Variants in KIRREL3 observed in about 807,000 individuals in gnomAD.
KIRREL3 encodes the protein kirre like nephrin family adhesion molecule 3.
KIRREL3 carries 36 observed loss-of-function variants against 89.7 expected under a neutral mutation model. The ratio of observed to expected loss-of-function variants is 0.40; its 90% CI spans 0.31 to 0.53. The LOEUF (loss-of-function observed/expected upper bound fraction) is 0.53, where lower values mean the gene tolerates loss of function less well. Among genes scored for constraint, KIRREL3 ranks in the 20% least tolerant of loss-of-function variants. The pLI is 0.49. For missense variants in KIRREL3, 864 were observed against 1,056.6 expected, an observed-to-expected ratio of 0.82 and a Z score of 2.53; for synonymous variants, 445 against 441.4, an observed-to-expected ratio of 1.01 and a Z score of -0.10.
In KIRREL3 at chr11:126,601,500, T is replaced by C. The variant is rs1386674221; in HGVS notation, c.56-38588A>G. 1.3e-5 allele frequency among the ~76,000 whole-genome samples: 2 copies of C among 152,262 alleles called. No homozygotes were observed. Among genetic ancestry groups the C allele is most frequent in the South Asian group, 4.1e-4 (2 of 4,834 alleles). ...GCTCAATCAAACGTTATTATCCCAATGTAAGTCAATTTACCTTTGAATTTG... is the reference window on the plus strand; with the variant it reads ...GCTCAATCAAACGTTATTATCCCAACGTAAGTCAATTTACCTTTGAATTTG... On this transcript the variant is annotated intron_variant, in intron 1 of 16. Coordinates refer to ENST00000525144, the MANE Select transcript of KIRREL3 (RefSeq NM_032531.4). The surrounding 1 kb of genome is among the most constrained non-coding windows in gnomAD (Gnocchi z 5.8).
chr11:126,678,010 T>A (rs977756836), intron 1 of KIRREL3, among the ~76,000 whole-genome samples: 10 of 152,064 alleles, frequency 6.6e-5, no homozygotes, highest in African/African-American at 2.4e-4. Flanking sequence ...TCAGGCCCTG[T>A]TACACCCACT....
At position 126,427,864 on chromosome 11, in the gene KIRREL3, A is replaced by G. The variant is rs1209718788; in HGVS notation, c.1806+1315T>C. 3.9e-5 allele frequency among the ~76,000 whole-genome samples: 6 copies of G among 152,220 alleles called. No individual in the cohort carries two copies. The highest frequency in any genetic ancestry group is 7.3e-5 in the Non-Finnish European group (5 of 68,034). On this transcript the variant is annotated intron_variant, in intron 15 of 16. Transcript: ENST00000525144. This position sits in a 1 kb window ranked among gnomAD's most constrained non-coding sequence, Gnocchi z 5.3. Reference sequence around the variant, plus strand: ...GCTGCTGTAATCATCCAGGGGAGCAATGATGAGGCCTGAAGTAAAGAAGTG... The same window carrying G: ...GCTGCTGTAATCATCCAGGGGAGCAGTGATGAGGCCTGAAGTAAAGAAGTG...
rs1565533032 is a variant in KIRREL3, at chr11:126,537,210, C to T, written c.134-10523G>A. 1.3e-5 allele frequency among the ~76,000 whole-genome samples: 2 copies of T among 152,160 alleles called. No homozygotes were observed. Among genetic ancestry groups the T allele is most frequent in the Non-Finnish European group, 2.9e-5 (2 of 68,038 alleles). On this transcript the variant is annotated intron_variant, in intron 2 of 16. Transcript: ENST00000525144. The surrounding 1 kb of genome is among the most constrained non-coding windows in gnomAD (Gnocchi z 4.3). ...GCCTGGTGCTGACACATGCACACAC[C>T]CGCCTGCATGCCTGTGAGTGTGGGC...
intron 1 of KIRREL3, among the ~76,000 whole-genome samples, chr11:126,967,582 A>G (rs1329286792): frequency 1.3e-5 from 2 of 152,028 alleles, no homozygotes; most frequent in Non-Finnish European, 2.9e-5. Context: ...GACTTGTTAC[A>G]TCCATCTCAG....
intron 2 of KIRREL3, among the ~76,000 whole-genome samples, chr11:126,545,137 A>G (rs1266818150): frequency 6.6e-6 from 1 of 152,196 alleles, no homozygotes; most frequent in African/African-American, 2.4e-5. Flanking sequence ...ATGGCATTGG[A>G]AGCCAAGAGC....
intron 1 of KIRREL3, among the ~76,000 whole-genome samples, chr11:126,847,245 T>C (rs1944178100): frequency 6.6e-6 from 1 of 152,174 alleles, no homozygotes; most frequent in East Asian, 1.9e-4. Flanking sequence ...ATCTTACTGG[T>C]ATGTGTTCCA....
chr11:126,973,098 AG>A (rs202114032), intron 1 of KIRREL3, among the ~76,000 whole-genome samples: 955 of 55,060 alleles, frequency 0.017, 22 homozygotes, highest in African/African-American at 0.054. Flanking sequence ...CTAAGTTTTG[AG>A]GAAAAAAAAA....
At position 126,656,039 on chromosome 11, in the gene KIRREL3, A is replaced by G; in HGVS notation, c.56-93127T>C. On this transcript the variant is annotated intron_variant, in intron 1 of 16. Coordinates refer to ENST00000525144, the MANE Select transcript of KIRREL3 (RefSeq NM_032531.4). This position sits in a 1 kb window ranked among gnomAD's most constrained non-coding sequence, Gnocchi z 4.0. The stretch of plus-strand genomic sequence containing the variant: ...CCTCTAGAAGTGTGTGGAAATGGGA[A>G]CCTGAGCCAGGAGAGTCCTGTGGAT... 2 of 416,142 alleles carry G rather than the reference A, an allele frequency of 4.8e-6. No homozygotes were observed. The highest frequency in any genetic ancestry group is 9.8e-6 in the Non-Finnish European group (2 of 203,758). 25.8% of individuals were successfully genotyped at this position (416,142 alleles called of 1,614,324 possible). A position where few individuals can be genotyped will look rare whatever the true frequency, so the allele number is the denominator to read the frequency against.
Position 126,747,109 on chromosome 11 carries a change from A to G in KIRREL3, c.56-184197T>C, listed in dbSNP as rs962690660. Among the ~76,000 whole-genome samples, 3 of 152,240 alleles carry G rather than the reference A, an allele frequency of 2.0e-5. No individual in the cohort carries two copies. Among genetic ancestry groups the G allele is most frequent in the Non-Finnish European group, 4.4e-5 (3 of 68,032 alleles). On this transcript the variant is annotated intron_variant, in intron 1 of 16. Transcript: ENST00000525144. This position sits in a 1 kb window ranked among gnomAD's most constrained non-coding sequence, Gnocchi z 4.7. ...GAAGACCTTTCCTAAAATGACTGGA[A>G]TCGCCTCAGCTGTGTAGCTAACTTG... is the stretch of plus-strand genomic sequence containing the variant.
chr11:126,846,934 T>G (rs952386693), intron 1 of KIRREL3, among the ~76,000 whole-genome samples: 1 of 151,292 alleles, frequency 6.6e-6, no homozygotes, highest in Non-Finnish European at 1.5e-5. Flanking sequence ...AGTTTTTCCA[T>G]AAATTAAACA....
chr11:126,882,177 C>A (rs987084707), intron 1 of KIRREL3, among the ~76,000 whole-genome samples: 2 of 152,174 alleles, frequency 1.3e-5, no homozygotes, highest in Non-Finnish European at 2.9e-5. Context: ...ACACTTTTCA[C>A]TGAAGGATCC....
At chr11:126,680,045 T>G (rs1168068535) in intron 1 of KIRREL3, among the ~76,000 whole-genome samples, 1 of 152,210 alleles carries the variant, frequency 6.6e-6, no homozygotes, top group African/African-American at 2.4e-5. Flanking sequence ...CAGAAACACT[T>G]CTGTTGCTTC....
chr11:126,882,502 C>T (rs1945542364), intron 1 of KIRREL3, among the ~76,000 whole-genome samples: 1 of 147,482 alleles, frequency 6.8e-6, no homozygotes, highest in South Asian at 2.2e-4. Flanking sequence ...GCAATTGTGA[C>T]CAGGAGAAAC....
intron 1 of KIRREL3, among the ~76,000 whole-genome samples, chr11:126,926,069 G>A (rs1326973621): frequency 2.6e-5 from 4 of 152,136 alleles, no homozygotes; most frequent in African/African-American, 4.8e-5. Flanking sequence ...CCTCTGCCTC[G>A]AACCCCTTAC....
In KIRREL3 at chr11:126,697,748, G is replaced by T. The variant is rs1057410025; in HGVS notation, c.56-134836C>A. Among the ~76,000 whole-genome samples, 1 of 152,216 alleles carries T rather than the reference G, an allele frequency of 6.6e-6. No individual in the cohort carries two copies. The highest frequency in any genetic ancestry group is 6.5e-5 in the Admixed American group (1 of 15,280). ...ACTCAGCTTCTCCCGGGGCCTCCGG[G>T]TGGGTCCCATGATTGCTCTGATCAC... On this transcript the variant is annotated intron_variant, in intron 1 of 16. Transcript: ENST00000525144. The surrounding 1 kb of genome is among the most constrained non-coding windows in gnomAD (Gnocchi z 4.2).
rs561404798 is a variant in KIRREL3, at chr11:126,444,246, C to T, written c.1252+733G>A. ...CTGCCCTCAAGGGGGCCCCTGAACACGTGGCCTCGTGGAGACGGTGACAGG... is the reference window on the plus strand; with the variant it reads ...CTGCCCTCAAGGGGGCCCCTGAACATGTGGCCTCGTGGAGACGGTGACAGG... On this transcript the variant is annotated intron_variant, in intron 10 of 16. Coordinates refer to ENST00000525144, the MANE Select transcript of KIRREL3 (RefSeq NM_032531.4). Among the ~76,000 whole-genome samples, 65 of 152,324 alleles carry T rather than the reference C, an allele frequency of 4.3e-4. No homozygotes were observed. In the South Asian group the frequency reaches 5.8e-3, roughly 14 times the overall value.
At position 126,424,836 on chromosome 11, in the gene KIRREL3, C is replaced by T. The variant is rs369712094; in HGVS notation, c.2081G>A (p.Arg694Gln). Residue 694 changes from arginine to glutamine, a missense_variant, in exon 17 of 17, where the codon CGG becomes CAG. Physicochemically the swap from Arg to Gln is conservative, Grantham distance 43 (BLOSUM62 1). Coordinates refer to ENST00000525144, the MANE Select transcript of KIRREL3 (RefSeq NM_032531.4). ...CGAGCTGCCCATGCCCAGCACAAAC[C>T]GCTGCCCGTAGTCGTAGAGGCGGCC... ...GQGRLYDYGQ[R>Q]FVLGMGSSSI... The T allele has an allele frequency of 6.2e-6, 10 of 1,613,926 alleles. No individual in the cohort carries two copies. Among genetic ancestry groups the T allele is most frequent in the South Asian group, 3.3e-5 (3 of 91,092 alleles).
At chr11:126,884,612 A>G (rs529269381) in intron 1 of KIRREL3, among the ~76,000 whole-genome samples, 2 of 152,366 alleles carry the variant, frequency 1.3e-5, no homozygotes, top group African/African-American at 4.8e-5. Context: ...CAAAGACAAC[A>G]TAGCACGCCA....
chr11:126,640,306 A>G lies in KIRREL3; in HGVS notation c.56-77394T>C, dbSNP rs1305692512. On this transcript the variant is annotated intron_variant, in intron 1 of 16. Transcript: ENST00000525144. The surrounding 1 kb of genome is among the most constrained non-coding windows in gnomAD (Gnocchi z 4.9). ...CTGGGGACCCACTTTGGTTTGGGAAAGGAGGTTGTCAAGACTAACTGAACA... is the reference window on the plus strand; with the variant it reads ...CTGGGGACCCACTTTGGTTTGGGAAGGGAGGTTGTCAAGACTAACTGAACA... Among the ~76,000 whole-genome samples the G allele has an allele frequency of 6.6e-6, 1 of 152,140 alleles. No individual in the cohort carries two copies. Among genetic ancestry groups the G allele is most frequent in the Non-Finnish European group, 1.5e-5 (1 of 68,020 alleles).
Sources: allele counts gnomAD v4.1 joint callset (sites outside exome capture counted in the v4.1 genomes callset), GRCh38; gene constraint gnomAD v4.1.1; non-coding constraint Gnocchi (gnomAD v3.1); transcripts MANE v1.5; gene names NCBI Gene and HGNC (gene_info 2026-07-23, HGNC 2026-07-21).